The following KLF13 variants were observed in gnomAD, a reference collection of about 807,000 sequenced individuals.
KLF13 encodes Krueppel-like factor 13.
KLF13 carries 8 observed loss-of-function variants against 16.7 expected under a neutral mutation model. The observed-to-expected ratio is 0.48, with a 90% CI of 0.28 to 0.87. The LOEUF (loss-of-function observed/expected upper bound fraction) is 0.87, where lower values mean the gene tolerates loss of function less well. Ranked by LOEUF, KLF13 falls within the 40% of genes least tolerant of loss-of-function variation. KLF13 has a pLI of 0.10. For missense variants in KLF13, 447 were observed against 452.2 expected, an observed-to-expected ratio of 0.99 and a Z score of 0.10; for synonymous variants, 245 against 208.4, an observed-to-expected ratio of 1.18 and a Z score of -1.51.
upstream of KLF13, among the ~76,000 whole-genome samples, chr15:31,389,006 G>C (rs957712986): frequency 6.6e-6 from 1 of 152,072 alleles, no homozygotes; most frequent in African/African-American, 2.4e-5. Flanking sequence ...TAATATGAAA[G>C]ATGAATACCG....
intron 1 of KLF13, among the ~76,000 whole-genome samples, chr15:31,361,267 T>C (rs565491652): frequency 6.6e-6 from 1 of 152,090 alleles, no homozygotes; most frequent in East Asian, 1.9e-4. Flanking sequence ...TCCTGTTCCA[T>C]GCTGGGGAGG....
intron 1 of KLF13, among the ~76,000 whole-genome samples, chr15:31,416,804 A>G (rs1236305048): frequency 6.6e-6 from 1 of 152,200 alleles, no homozygotes; most frequent in Admixed American, 6.5e-5. Flanking sequence ...GATATATTAG[A>G]AATTTCATTA....
At chr15:31,396,539 A>G (rs1036641369) in intron 2 of KLF13, among the ~76,000 whole-genome samples, 8 of 152,196 alleles carry the variant, frequency 5.3e-5, no homozygotes, top group Admixed American at 3.3e-4. Flanking sequence ...AATCTTAGGG[A>G]GTCGAAGCTG....
intron 1 of KLF13, among the ~76,000 whole-genome samples, chr15:31,332,461 C>A (rs193230969): frequency 1.3e-5 from 2 of 152,210 alleles, no homozygotes; most frequent in Non-Finnish European, 2.9e-5. Context: ...GGGCGCTCAG[C>A]CCTGGAGCAG....
chr15:31,396,182 C>T (rs369290713), intron 2 of KLF13, among the ~76,000 whole-genome samples: 1 of 152,134 alleles, frequency 6.6e-6, no homozygotes, highest in African/African-American at 2.4e-5. Flanking sequence ...TGCGCTACCA[C>T]GCCCGGCTAA....
intron 1 of KLF13, among the ~76,000 whole-genome samples, chr15:31,344,135 G>A (rs1483465392): frequency 1.3e-5 from 2 of 152,142 alleles, no homozygotes; most frequent in African/African-American, 2.4e-5. Context: ...TCCTGCTAGC[G>A]CTGCGCACCC....
At position 31,327,135 on chromosome 15, in the gene KLF13, G is replaced by A; in HGVS notation, c.-78G>A. The A allele has an allele frequency of 5.9e-6, 3 of 509,740 alleles. No homozygotes were observed. The highest frequency in any genetic ancestry group is 1.5e-4 in the East Asian group (1 of 6,668). 31.6% of individuals were successfully genotyped at this position (509,740 alleles called of 1,614,324 possible). On this transcript the variant is annotated 5_prime_UTR_variant, in exon 1 of 2. Coordinates refer to ENST00000307145, the MANE Select transcript of KLF13 (RefSeq NM_015995.4). ...CGCGCCGCGCCCCCGCCCCCCGCCC[G>A]CTCTCCCGAGGCCGTGGGTGCGGAT...
intron 2 of KLF13, among the ~76,000 whole-genome samples, chr15:31,395,200 G>A (rs575042909): frequency 3.7e-4 from 56 of 152,072 alleles, no homozygotes; most frequent in Non-Finnish European, 6.6e-4. Flanking sequence ...GTCTGGTCTC[G>A]AACTCCTGAC....
chr15:31,432,681 C>T lies in KLF13; in HGVS notation n.118-2689C>T, dbSNP rs185153819. On this transcript the variant is annotated intron_variant and non_coding_transcript_variant, in intron 1 of 1. Transcript: ENST00000558225. ...CCCAGGCTAGTCTTGAACTCCTGGA[C>T]TCAAGCGATCCTCTTGCCTTAACTT... Among the ~76,000 whole-genome samples the T allele has an allele frequency of 2.0e-3, 305 of 151,728 alleles. 2 individuals carry two copies. The highest frequency in any genetic ancestry group is 0.017 in the Middle Eastern group (5 of 294).
At chr15:31,397,231 T>G (rs1203426433) in intron 2 of KLF13, among the ~76,000 whole-genome samples, 10 of 2,178 alleles carry the variant, frequency 4.6e-3, no homozygotes, top group Non-Finnish European at 6.4e-3. Context: ...TGGGGCGGGG[T>G]GGGGTGGGGT....
At chr15:31,345,980 C>T (rs1321483818) in intron 1 of KLF13, among the ~76,000 whole-genome samples, 1 of 152,072 alleles carries the variant, frequency 6.6e-6, no homozygotes, top group African/African-American at 2.4e-5. Context: ...AGTATCTGAG[C>T]TCAGAGGGAG....
chr15:31,335,348 C>T (rs73381273), intron 1 of KLF13, among the ~76,000 whole-genome samples: 6,290 of 151,866 alleles, frequency 0.041, 434 homozygotes, highest in African/African-American at 0.15. Flanking sequence ...TGACCGGCTC[C>T]TGTGTCCTCC....
intron 1 of KLF13, among the ~76,000 whole-genome samples, chr15:31,434,269 T>C (rs764854533): frequency 6.6e-6 from 1 of 152,150 alleles, no homozygotes; most frequent in Non-Finnish European, 1.5e-5. Context: ...CAGCTGGACA[T>C]ACAGCTGCCC....
At position 31,348,847 on chromosome 15, in the gene KLF13, C is replaced by G. The variant is rs144463905; in HGVS notation, c.577+21058C>G. Among the ~76,000 whole-genome samples the G allele has an allele frequency of 3.3e-3, 506 of 152,260 alleles. 5 individuals are homozygous for G. Among genetic ancestry groups the G allele is most frequent in the African/African-American group, 0.012 (479 of 41,548 alleles). On this transcript the variant is annotated intron_variant, in intron 1 of 1. Coordinates refer to ENST00000307145, the MANE Select transcript of KLF13 (RefSeq NM_015995.4). ...AAGATTAAGGCGCTGGCAGATTATT[C>G]TGTATCTGGTGAGGACCCTCTTCCT...
chr15:31,348,415 G>A (rs563640263), intron 1 of KLF13, among the ~76,000 whole-genome samples: 53 of 152,322 alleles, frequency 3.5e-4, no homozygotes, highest in Middle Eastern at 3.4e-3. Flanking sequence ...TGAAGTATAC[G>A]TGTGCTACAG....
At chr15:31,415,513 A>C (rs1247227664) in intron 1 of KLF13, among the ~76,000 whole-genome samples, 1 of 152,212 alleles carries the variant, frequency 6.6e-6, no homozygotes, top group African/African-American at 2.4e-5. Flanking sequence ...GATATGTGGA[A>C]ATTTTACAAA....
chr15:31,386,529 G>C (rs2039798667), intron 1 of KLF13, among the ~76,000 whole-genome samples: 1 of 152,100 alleles, frequency 6.6e-6, no homozygotes, highest in African/African-American at 2.4e-5. Context: ...AAGAAAGAAG[G>C]CATCTCCACA....
chr15:31,372,243 G>A lies in KLF13; in HGVS notation c.811G>A (p.Asp271Asn), dbSNP rs2039566425. 6.3e-7 allele frequency: 1 copy of A among 1,577,078 alleles called. No individual in the cohort carries two copies. Among genetic ancestry groups the A allele is most frequent in the Non-Finnish European group, 8.6e-7 (1 of 1,166,838 alleles). The change falls in exon 2 of 2, where the codon GAC becomes AAC. Residue 271 changes from aspartate (D) to asparagine (N), a missense_variant. Coordinates refer to ENST00000307145, the MANE Select transcript of KLF13 (RefSeq NM_015995.4). ...GGGSRTGSLS[D>N]YSRSDASSPT... Reference sequence around the variant, plus strand: ...GGGCTCGCGGACCGGCTCCCTCAGCGACTACAGCCGCTCCGACGCCAGCAG... The same window carrying A: ...GGGCTCGCGGACCGGCTCCCTCAGCAACTACAGCCGCTCCGACGCCAGCAG...
chr15:31,424,351 C>T (rs1170454267), intron 1 of KLF13, among the ~76,000 whole-genome samples: 2 of 152,104 alleles, frequency 1.3e-5, no homozygotes, highest in Non-Finnish European at 1.5e-5. Flanking sequence ...TTCGATGACA[C>T]ATTAAAAGGT....
Sources: gnomAD v4.1 joint callset for allele counts (sites outside exome capture counted in the v4.1 genomes callset) on GRCh38, gnomAD v4.1.1 for gene constraint, MANE v1.5 for transcripts, NCBI Gene and HGNC (gene_info 2026-07-23, HGNC 2026-07-21) for gene names.